Variants in CENPE observed in about 807,000 individuals in gnomAD.
The protein encoded by CENPE is centromere-associated protein E.
Under a neutral mutation model 336.1 loss-of-function variants are expected in CENPE, and 145 were observed. That is an observed-to-expected ratio of 0.43 (90% CI 0.38 to 0.50). The LOEUF (loss-of-function observed/expected upper bound fraction) is 0.50, where lower values mean the gene tolerates loss of function less well. Ranked by LOEUF, CENPE falls within the 20% of genes least tolerant of loss-of-function variation. The probability of loss-of-function intolerance (pLI) is 0.00; values close to 1 mark genes in which losing one functional copy is unlikely to be tolerated. For synonymous variants in CENPE, 1,013 were observed against 984.8 expected (o/e 1.03, Z -0.54); for missense variants, 2,719 against 3,023.3 (o/e 0.90, Z 2.36).
intron 1 of CENPE, 129 bp from the exon 2 acceptor site, chr4:103,196,979 A>G: frequency 1.5e-6 from 1 of 648,796 alleles, no homozygotes; most frequent in Non-Finnish European, 2.8e-6. Flanking sequence ...CAGAAAGTCC[A>G]TCTTTGAGGA....
At chr4:103,127,012 T>C (rs534484345) in intron 42 of CENPE, among the ~76,000 whole-genome samples, 122 of 146,584 alleles carry the variant, frequency 8.3e-4, no homozygotes, top group African/African-American at 2.9e-3. Flanking sequence ...ATATTTGAAG[T>C]AATAACGACT....
chr4:103,138,647 T>C (rs565228020), intron 38 of CENPE, among the ~76,000 whole-genome samples, 198 bp from the exon 39 acceptor site: 4 of 152,218 alleles, frequency 2.6e-5, no homozygotes, highest in Non-Finnish European at 5.9e-5. Flanking sequence ...CCTTAACTCA[T>C]TGGTAAAAAA....
At chr4:103,161,004 T>C (rs1311859988) in intron 20 of CENPE, 82 bp downstream of exon 20, 2 of 1,216,938 alleles carry the variant, frequency 1.6e-6, no homozygotes, top group East Asian at 2.4e-5. Flanking sequence ...TTTTTAATCA[T>C]TGAAATATGC....
intron 42 of CENPE, among the ~76,000 whole-genome samples, chr4:103,128,773 G>A (rs545455302): frequency 6.6e-6 from 1 of 152,218 alleles, no homozygotes; most frequent in African/African-American, 2.4e-5. Flanking sequence ...TATTAGAAAA[G>A]AGGAAAGACC....
chr4:103,177,174 T>G (rs1425028943), intron 13 of CENPE, 128 bp from the exon 14 acceptor site: 51 of 724,852 alleles, frequency 7.0e-5, no homozygotes, highest in Admixed American at 2.3e-4. Flanking sequence ...GTTTAAAATT[T>G]TATTAGTCTA....
chr4:103,149,815 G>GT (rs1430392315), intron 26 of CENPE, among the ~76,000 whole-genome samples: 1 of 152,188 alleles, frequency 6.6e-6, no homozygotes, highest in Non-Finnish European at 1.5e-5. Flanking sequence ...CTAGGAAGAA[G>GT]TAAGGAATGA....
chr4:103,127,828 T>C (rs1751261514), intron 42 of CENPE, among the ~76,000 whole-genome samples: 1 of 151,752 alleles, frequency 6.6e-6, no homozygotes, highest in South Asian at 2.1e-4. Context: ...ATTTAAATCA[T>C]AAAAGGCAGA....
Position 103,194,296 on chromosome 4 carries a change from T to C in CENPE, c.628-2A>G. On this transcript the variant is annotated splice_acceptor_variant, in intron 7 of 48. Coordinates refer to ENST00000265148, the MANE Select transcript of CENPE (RefSeq NM_001813.3). LOFTEE classifies it high-confidence loss of function. ...ACCCTTCTCTCTGCTTTCCAAAATCTAGATAGAAAAGGCAAGCTGTAGAAA... is the reference window on the plus strand; with the variant it reads ...ACCCTTCTCTCTGCTTTCCAAAATCCAGATAGAAAAGGCAAGCTGTAGAAA... 6.2e-7 allele frequency: 1 copy of C among 1,612,612 alleles called. No individual in the cohort carries two copies. Among genetic ancestry groups the C allele is most frequent in the Non-Finnish European group, 8.5e-7 (1 of 1,179,090 alleles).
In CENPE at chr4:103,109,575, G is replaced by A. The variant is rs570992886; in HGVS notation, c.7725-486C>T. ...TCCAGTTCCTCCGGAGAGAAACCTGGGAAGCAATCCTAGAGACCTCACTCT... is the reference window on the plus strand; with the variant it reads ...TCCAGTTCCTCCGGAGAGAAACCTGAGAAGCAATCCTAGAGACCTCACTCT... On this transcript the variant is annotated intron_variant, in intron 47 of 48. Transcript: ENST00000265148. Among the ~76,000 whole-genome samples the A allele has an allele frequency of 1.1e-4, 16 of 152,228 alleles. No individual in the cohort carries two copies. In the South Asian group the frequency reaches 2.1e-3, roughly 20 times the overall value.
intron 42 of CENPE, among the ~76,000 whole-genome samples, chr4:103,127,084 A>C (rs1403098802): frequency 6.6e-6 from 1 of 150,700 alleles, no homozygotes; most frequent in Non-Finnish European, 1.5e-5. Context: ...CATAATGCTA[A>C]ACGGGACAAA....
Position 103,141,783 on chromosome 4 carries a change from A to C in CENPE, c.5430T>G (p.Asp1810Glu). ...GTAATTTAGCATTTGAATTTTCTAA[A>C]TCTTTTTGCATATTTGATAGTTTAT... ...KTDKLSNMQK[D>E]LENSNAKLQE... Residue 1810 changes from aspartate (D) to glutamate (E), a missense_variant, in exon 35 of 49, where the codon GAT becomes GAG. This residue lies in a region of CENPE where 2,437 missense variants were observed against 2,513.3 expected (regional missense o/e 0.97). Coordinates refer to ENST00000265148, the MANE Select transcript of CENPE (RefSeq NM_001813.3). 6.5e-7 allele frequency: 1 copy of C among 1,549,712 alleles called. No homozygotes were observed. Among genetic ancestry groups the C allele is most frequent in the Non-Finnish European group, 8.8e-7 (1 of 1,132,762 alleles).
At chr4:103,106,490 G>A (rs1328579541) in intron 48 of CENPE, among the ~76,000 whole-genome samples, 174 bp from the exon 49 acceptor site, 1 of 152,140 alleles carries the variant, frequency 6.6e-6, no homozygotes, top group East Asian at 1.9e-4. Flanking sequence ...AGTTGGAGAA[G>A]TTTACTCCCC....
rs747200493 is a variant in CENPE, at chr4:103,122,964, C to A, written c.7050G>T (p.Lys2350Asn). ...EKLFKNYQTL[K>N]TSLASGAQVN... The stretch of plus-strand genomic sequence containing the variant: ...CCTGGGCACCAGATGCCAAGGAAGT[C>A]TTCAATGTTTGGTAGTTTTTAAATA... The change falls in exon 43 of 49, where the codon AAG becomes AAT. Residue 2350 changes from lysine to asparagine, a missense_variant. Physicochemically the swap from Lys to Asn is moderately conservative, Grantham distance 94 (BLOSUM62 0). This residue lies in a region of CENPE where 2,437 missense variants were observed against 2,513.3 expected (regional missense o/e 0.97). Coordinates refer to ENST00000265148, the MANE Select transcript of CENPE (RefSeq NM_001813.3). The A allele has an allele frequency of 6.2e-7, 1 of 1,613,906 alleles. No individual in the cohort carries two copies. The highest frequency in any genetic ancestry group is 8.5e-7 in the Non-Finnish European group (1 of 1,179,860).
At chr4:103,144,129 C>G (rs544201708) in intron 33 of CENPE, among the ~76,000 whole-genome samples, 4 of 151,864 alleles carry the variant, frequency 2.6e-5, no homozygotes, top group Non-Finnish European at 2.9e-5. Context: ...GTAGAGATGG[C>G]GTTTCACCAT....
At chr4:103,114,716 T>C (rs1407664861) in intron 45 of CENPE, among the ~76,000 whole-genome samples, 164 bp from the exon 46 acceptor site, 2 of 152,270 alleles carry the variant, frequency 1.3e-5, no homozygotes, top group African/African-American at 4.8e-5. Context: ...ATGTGCCTTA[T>C]GGCATTAATG....
intron 41 of CENPE, among the ~76,000 whole-genome samples, chr4:103,133,238 G>A (rs1440781183): frequency 6.6e-6 from 1 of 151,850 alleles, no homozygotes; most frequent in African/African-American, 2.4e-5. Flanking sequence ...TTTTGAGATG[G>A]TCTCACTATG....
intron 8 of CENPE, among the ~76,000 whole-genome samples, chr4:103,188,912 G>A (rs908754621): frequency 7.2e-5 from 11 of 151,994 alleles, no homozygotes; most frequent in Non-Finnish European, 1.5e-5. Flanking sequence ...TAATAAAGAA[G>A]AAAAGAGAGA....
intron 8 of CENPE, among the ~76,000 whole-genome samples, chr4:103,191,192 G>A (rs1228882191): frequency 6.6e-6 from 1 of 152,188 alleles, no homozygotes; most frequent in Non-Finnish European, 1.5e-5. Context: ...CTTTTACACT[G>A]TTGGTGGGAC....
chr4:103,155,871 T>C (rs1560638424), intron 24 of CENPE, among the ~76,000 whole-genome samples: 1 of 152,226 alleles, frequency 6.6e-6, no homozygotes, highest in African/African-American at 2.4e-5. Context: ...TACTTTGAAA[T>C]GTGTATTTGC....
Sources: gnomAD v4.1 joint callset for allele counts (sites outside exome capture counted in the v4.1 genomes callset) on GRCh38, gnomAD v4.1.1 for gene constraint, gnomAD v4.1.1 regional missense constraint, MANE v1.5 for transcripts, NCBI Gene and HGNC (gene_info 2026-07-23, HGNC 2026-07-21) for gene names.